The following CCDC167 variants were observed in gnomAD, a reference collection of about 807,000 sequenced individuals.
The protein encoded by CCDC167 is coiled-coil domain-containing protein 167.
In CCDC167, 15 loss-of-function variants were observed where a neutral mutation model predicts 12.7. The ratio of observed to expected loss-of-function variants is 1.18; its 90% CI spans 0.79 to 1.81. CCDC167 has a LOEUF of 1.81. CCDC167 is among the 40% of genes most tolerant of loss of function. CCDC167 has a pLI of 0.00. For missense variants in CCDC167, 121 were observed against 120.1 expected (o/e 1.01, Z -0.03); for synonymous variants, 52 against 49.0 (o/e 1.06, Z -0.26).
At chr6:37,492,997 A>C (rs1762043378) in intron 1 of CCDC167, among the ~76,000 whole-genome samples, 1 of 152,208 alleles carries the variant, frequency 6.6e-6, no homozygotes, top group Non-Finnish European at 1.5e-5. Flanking sequence ...ACCTCCGCCC[A>C]TGGCTCCCCA....
intron 1 of CCDC167, among the ~76,000 whole-genome samples, chr6:37,494,711 T>C (rs1196488450): frequency 1.3e-5 from 2 of 152,156 alleles, no homozygotes; most frequent in African/African-American, 2.4e-5. Flanking sequence ...GGCAGCTATA[T>C]TGTGACCATG....
intron 2 of CCDC167, 103 bp from the exon 3 acceptor site, chr6:37,484,965 A>AG (rs955022988): frequency 4.0e-5 from 59 of 1,489,082 alleles, no homozygotes; most frequent in Middle Eastern, 2.2e-4. Flanking sequence ...GTTCGGCGGC[A>AG]GGGGGGGTGT....
chr6:37,495,629 G>C (rs1266011941), intron 1 of CCDC167, among the ~76,000 whole-genome samples: 1 of 152,204 alleles, frequency 6.6e-6, no homozygotes, highest in Non-Finnish European at 1.5e-5. Context: ...ACCACTTTGA[G>C]GGGGAGGCTA....
chr6:37,495,625 T>C (rs1243935676), intron 1 of CCDC167, among the ~76,000 whole-genome samples: 1 of 152,122 alleles, frequency 6.6e-6, no homozygotes, highest in Non-Finnish European at 1.5e-5. Context: ...AGGAACCACT[T>C]TGAGGGGGAG....
chr6:37,489,635 G>A (rs533694425), intron 1 of CCDC167, among the ~76,000 whole-genome samples: 1 of 152,354 alleles, frequency 6.6e-6, no homozygotes, highest in Non-Finnish European at 1.5e-5. Flanking sequence ...GGAACAGCAG[G>A]TGAGGCCCAG....
intron 1 of CCDC167, among the ~76,000 whole-genome samples, chr6:37,496,181 C>T (rs1762096645): frequency 6.6e-6 from 1 of 152,178 alleles, no homozygotes; most frequent in African/African-American, 2.4e-5. Context: ...CGCCTGTAAT[C>T]CCAGCACTTT....
chr6:37,499,721 A>T, intron 1 of CCDC167, 101 bp downstream of exon 1: 1 of 1,330,078 alleles, frequency 7.5e-7, no homozygotes, highest in Non-Finnish European at 1.1e-6. Flanking sequence ...CTCTCATCCT[A>T]CGCTTGGCTC....
At chr6:37,488,590 G>A (rs1761975715) in intron 1 of CCDC167, among the ~76,000 whole-genome samples, 1 of 152,220 alleles carries the variant, frequency 6.6e-6, no homozygotes, top group Non-Finnish European at 1.5e-5. Flanking sequence ...AAGCAGTTGG[G>A]AGCTCAAGTG....
intron 1 of CCDC167, among the ~76,000 whole-genome samples, chr6:37,487,629 A>G (rs1761961679): frequency 6.6e-6 from 1 of 152,170 alleles, no homozygotes; most frequent in African/African-American, 2.4e-5. Flanking sequence ...CCATCCCTGA[A>G]CACCTCTGGA....
intron 1 of CCDC167, among the ~76,000 whole-genome samples, chr6:37,485,705 T>C (rs1039856383): frequency 6.6e-6 from 1 of 152,258 alleles, no homozygotes; most frequent in East Asian, 1.9e-4. Context: ...GAGGTGTTTT[T>C]CTCATTGACA....
intron 1 of CCDC167, among the ~76,000 whole-genome samples, chr6:37,493,058 G>A (rs1365593723): frequency 6.6e-6 from 1 of 152,196 alleles, no homozygotes; most frequent in African/African-American, 2.4e-5. Flanking sequence ...AGCTGAAGAC[G>A]GCAGACCTTC....
At chr6:37,494,804 A>ATTTTTTTTTTTT (rs1561799989) in intron 1 of CCDC167, among the ~76,000 whole-genome samples, 2 of 44,936 alleles carry the variant, frequency 4.5e-5, no homozygotes, top group African/African-American at 3.5e-4. Flanking sequence ...CCTACCTACA[A>ATTTTTTTTTTTT]ATTTTTTTTT....
chr6:37,488,953 T>C (rs1330029746), intron 1 of CCDC167, among the ~76,000 whole-genome samples: 1 of 152,042 alleles, frequency 6.6e-6, no homozygotes, highest in Non-Finnish European at 1.5e-5. Context: ...GAAGCAGGGG[T>C]GTGGCTGGGC....
chr6:37,499,791 G>A (rs1762142051), intron 1 of CCDC167, 31 bp downstream of exon 1: 3 of 1,611,894 alleles, frequency 1.9e-6, no homozygotes, highest in Non-Finnish European at 2.5e-6. Flanking sequence ...GGCAACTAAC[G>A]AGGTGGCCCA....
intron 1 of CCDC167, among the ~76,000 whole-genome samples, chr6:37,487,740 T>C (rs1761966199): frequency 6.6e-6 from 1 of 152,360 alleles, no homozygotes; most frequent in Middle Eastern, 3.4e-3. Context: ...AAACCACAAG[T>C]GGCCAAGCCA....
chr6:37,485,924 T>A (rs1397930778), intron 1 of CCDC167, among the ~76,000 whole-genome samples: 1 of 152,234 alleles, frequency 6.6e-6, no homozygotes, highest in African/African-American at 2.4e-5. Context: ...AGAAGTGTTC[T>A]TGGGGAAATA....
intron 3 of CCDC167, 56 bp downstream of exon 3, chr6:37,484,754 C>T: frequency 1.2e-6 from 2 of 1,607,012 alleles, no homozygotes; most frequent in African/African-American, 2.7e-5. Flanking sequence ...GCTTCTGACC[C>T]TTCCTGGTTC....
At chr6:37,498,898 G>C (rs778446753) in intron 1 of CCDC167, among the ~76,000 whole-genome samples, 8 of 152,100 alleles carry the variant, frequency 5.3e-5, no homozygotes, top group Non-Finnish European at 1.2e-4. Flanking sequence ...TGTGGGAAGA[G>C]TTCAACTCTC....
Position 37,485,088 on chromosome 6 carries a change from C to T in CCDC167, c.137+12G>A, listed in dbSNP as rs913356388. ...GATGGGGAAGGGTGGGGTGGCTGGG[C>T]AGGAGCATTACCTGGCCTCTGGGCT... On this transcript the variant is annotated intron_variant, in intron 2 of 3. Transcript: ENST00000373408. 5.6e-6 allele frequency: 9 copies of T among 1,607,792 alleles called. No individual in the cohort carries two copies. Among genetic ancestry groups the T allele is most frequent in the African/African-American group, 1.3e-5 (1 of 74,796 alleles).
Sources: gnomAD v4.1 joint callset for allele counts (sites outside exome capture counted in the v4.1 genomes callset) on GRCh38, gnomAD v4.1.1 for gene constraint, MANE v1.5 for transcripts, NCBI Gene and HGNC (gene_info 2026-07-23, HGNC 2026-07-21) for gene names.